PCDHA13: variants seen among roughly 807,000 people sequenced by gnomAD.
The protein encoded by PCDHA13 is protocadherin alpha-13.
PCDHA13 carries 54 observed loss-of-function variants against 64.8 expected under a neutral mutation model. That is an observed-to-expected ratio of 0.83 (90% confidence interval 0.67 to 1.04). The LOEUF (loss-of-function observed/expected upper bound fraction) is 1.04, where lower values mean the gene tolerates loss of function less well. Among genes scored for constraint, PCDHA13 ranks in the 50% least tolerant of loss-of-function variants. PCDHA13 has a pLI of 0.00. For synonymous variants in PCDHA13, 587 were observed against 564.4 expected (o/e 1.04, Z -0.57); for missense variants, 1,248 against 1,254.3 (o/e 0.99, Z 0.08).
intron 1 of PCDHA13, among the ~76,000 whole-genome samples, chr5:140,949,801 C>T (rs964520875): frequency 6.6e-5 from 10 of 151,836 alleles, no homozygotes; most frequent in African/African-American, 2.4e-4. Context: ...TCCTTCAATA[C>T]ATTATTTGCT....
intron 1 of PCDHA13, among the ~76,000 whole-genome samples, chr5:140,907,775 G>T (rs1217508105): frequency 4.6e-5 from 7 of 152,178 alleles, no homozygotes; most frequent in African/African-American, 1.7e-4. Flanking sequence ...TGATGACAGG[G>T]GTGGCTGGGG....
intron 1 of PCDHA13, among the ~76,000 whole-genome samples, chr5:140,944,623 T>G (rs535315515): frequency 2.0e-5 from 3 of 152,202 alleles, no homozygotes; most frequent in Non-Finnish European, 4.4e-5. Flanking sequence ...AGAAGTATAG[T>G]GTTGTAAGCC....
At chr5:140,959,754 T>C (rs1265254392) in intron 1 of PCDHA13, among the ~76,000 whole-genome samples, 1 of 152,222 alleles carries the variant, frequency 6.6e-6, no homozygotes, top group East Asian at 1.9e-4. Flanking sequence ...TAAAGTATAT[T>C]TTAATATTCA....
At chr5:140,939,262 T>G (rs1371349789) in intron 1 of PCDHA13, among the ~76,000 whole-genome samples, 1 of 152,146 alleles carries the variant, frequency 6.6e-6, no homozygotes, top group Non-Finnish European at 1.5e-5. Context: ...GGAACCTCTT[T>G]TATGAGAGCT....
Position 140,958,548 on chromosome 5 carries a change from A to G in PCDHA13, c.2395-20401A>G, listed in dbSNP as rs185504563. The stretch of plus-strand genomic sequence containing the variant: ...TATGTGTACATTGATTTATGAACCA[A>G]TAAATGTTTCATACACAGTTGAGAT... On this transcript the variant is annotated intron_variant, in intron 1 of 3. Transcript: ENST00000289272. Among the ~76,000 whole-genome samples the G allele has an allele frequency of 5.4e-3, 828 of 152,296 alleles. 8 individuals are homozygous for G. Among genetic ancestry groups the G allele is most frequent in the South Asian group, 1.0e-2 (48 of 4,822 alleles).
intron 1 of PCDHA13, chr5:140,968,562 C>T (rs1210264786): frequency 4.3e-6 from 7 of 1,614,090 alleles, no homozygotes; most frequent in Non-Finnish European, 8.5e-7. Context: ...CGAACTGCCC[C>T]TGCTGGCTAC....
At chr5:140,887,241 C>T (rs1215011038) in intron 1 of PCDHA13, among the ~76,000 whole-genome samples, 2 of 151,912 alleles carry the variant, frequency 1.3e-5, no homozygotes, top group African/African-American at 2.4e-5. Flanking sequence ...AGACTACCGG[C>T]GCCCGCCACC....
In PCDHA13 at chr5:140,927,241, A is replaced by T. The variant is rs781911240; in HGVS notation, c.2394+42579A>T. The stretch of plus-strand genomic sequence containing the variant: ...CAAGATTCGGATTCACGTCCTGGAC[A>T]CCAATGACAACTCACCTCTCTTTCC... On this transcript the variant is annotated intron_variant, in intron 1 of 3. Coordinates refer to ENST00000289272, the MANE Select transcript of PCDHA13 (RefSeq NM_018904.3). 3 of 1,613,966 alleles carry T rather than the reference A, an allele frequency of 1.9e-6. No homozygotes were observed. The Admixed American group carries it at 5.0e-5, about 27-fold the overall frequency.
At chr5:140,934,502 A>G (rs1311901724) in intron 1 of PCDHA13, among the ~76,000 whole-genome samples, 2 of 152,144 alleles carry the variant, frequency 1.3e-5, no homozygotes, top group Non-Finnish European at 2.9e-5. Flanking sequence ...TAAACACCCA[A>G]AGGGTCCATA....
chr5:140,895,892 A>T (rs1554186717), intron 1 of PCDHA13, among the ~76,000 whole-genome samples: 1 of 152,080 alleles, frequency 6.6e-6, no homozygotes, highest in Non-Finnish European at 1.5e-5. Flanking sequence ...GCTCACTGCA[A>T]CCTCCGCGTC....
At chr5:140,993,521 G>C (rs1554253818) in intron 3 of PCDHA13, among the ~76,000 whole-genome samples, 4 of 151,128 alleles carry the variant, frequency 2.6e-5, no homozygotes, top group Admixed American at 2.0e-4. Flanking sequence ...GGGAGAGAGA[G>C]ACAGAGAGAG....
chr5:140,883,868 C>G lies in PCDHA13; in HGVS notation c.1600C>G (p.Gln534Glu), dbSNP rs782022578. ...DHEELELLQF[Q>E]VSARDSGVPP... ...CGAGGAGCTGGAGCTGTTGCAGTTC[C>G]AGGTGAGCGCGCGCGACTCTGGCGT... Residue 534 changes from glutamine to glutamate, a missense_variant, in exon 1 of 4, where the codon CAG (glutamine) becomes GAG (glutamate). Coordinates refer to ENST00000289272, the MANE Select transcript of PCDHA13 (RefSeq NM_018904.3). 9.9e-6 allele frequency: 16 copies of G among 1,613,048 alleles called. No homozygotes were observed. The Admixed American group carries it at 2.5e-4, about 25-fold the overall frequency.
chr5:141,000,292 T>C (rs2097899521), intron 3 of PCDHA13, among the ~76,000 whole-genome samples: 1 of 149,730 alleles, frequency 6.7e-6, no homozygotes, highest in Non-Finnish European at 1.5e-5. Flanking sequence ...GGAATATTGC[T>C]TGAGGCCAGG....
At chr5:140,990,552 C>G (rs1379026755) in intron 3 of PCDHA13, among the ~76,000 whole-genome samples, 5 of 152,130 alleles carry the variant, frequency 3.3e-5, no homozygotes, top group African/African-American at 1.2e-4. Flanking sequence ...CTGTATTACC[C>G]AAGAACACAC....
intron 3 of PCDHA13, among the ~76,000 whole-genome samples, chr5:140,992,758 G>T (rs1160312796): frequency 6.6e-6 from 1 of 152,182 alleles, no homozygotes; most frequent in Non-Finnish European, 1.5e-5. Flanking sequence ...CTGTGTTGGG[G>T]ATAGGAGGGT....
chr5:140,900,653 T>C (rs1163740859), intron 1 of PCDHA13, among the ~76,000 whole-genome samples: 1 of 152,220 alleles, frequency 6.6e-6, no homozygotes, highest in Non-Finnish European at 1.5e-5. Flanking sequence ...ACTGCTGCAA[T>C]GAACAATGGG....
At chr5:141,003,502 G>C (rs1384211644) in intron 3 of PCDHA13, among the ~76,000 whole-genome samples, 3 of 151,992 alleles carry the variant, frequency 2.0e-5, no homozygotes, top group African/African-American at 2.4e-5. Context: ...TAGTAGAGAT[G>C]GGGTTTCACC....
intron 1 of PCDHA13, among the ~76,000 whole-genome samples, chr5:140,938,097 A>AT (rs775272450): frequency 6.6e-6 from 1 of 151,930 alleles, no homozygotes; most frequent in Non-Finnish European, 1.5e-5. Flanking sequence ...TTATTATTGT[A>AT]TTTTTTACTT....
intron 1 of PCDHA13, among the ~76,000 whole-genome samples, chr5:140,964,412 GC>G (rs1330052602): frequency 7.9e-5 from 12 of 152,126 alleles, no homozygotes; most frequent in African/African-American, 2.9e-4. Flanking sequence ...ACATTTGGGG[GC>G]TTCCATTAAA....
Sources: allele counts gnomAD v4.1 joint callset (sites outside exome capture counted in the v4.1 genomes callset), GRCh38; gene constraint gnomAD v4.1.1; transcripts MANE v1.5; gene names NCBI Gene and HGNC (gene_info 2026-07-23, HGNC 2026-07-21).